Variants in INPP4B observed in about 807,000 individuals in gnomAD.
The protein encoded by INPP4B is inositol polyphosphate-4-phosphatase type II B.
INPP4B carries 55 observed loss-of-function variants against 122.5 expected under a neutral mutation model. The ratio of observed to expected loss-of-function variants is 0.45; its 90% confidence interval spans 0.36 to 0.56. The LOEUF (loss-of-function observed/expected upper bound fraction) is 0.56, where lower values mean the gene tolerates loss of function less well. INPP4B is among the 20% of genes least tolerant of loss of function. The pLI, the probability that INPP4B is intolerant of heterozygous loss-of-function variation, is 0.00. For synonymous variants in INPP4B, 403 were observed against 388.7 expected, an observed-to-expected ratio of 1.04 and a Z score of -0.43; for missense variants, 1,000 against 1,097.7, an observed-to-expected ratio of 0.91 and a Z score of 1.26.
At chr4:142,072,479 AT>A (rs1578805757) in intron 25 of INPP4B, among the ~76,000 whole-genome samples, 4 of 151,102 alleles carry the variant, frequency 2.6e-5, no homozygotes. Context: ...AAGGATAATA[AT>A]AAAAAAAAAA....
At chr4:142,649,509 A>C (rs1049759007) in intron 2 of INPP4B, among the ~76,000 whole-genome samples, 1 of 152,230 alleles carries the variant, frequency 6.6e-6, no homozygotes, top group Non-Finnish European at 1.5e-5. Context: ...TAGGATAAAC[A>C]GTGTAGAGAA....
Position 142,179,819 on chromosome 4 carries a change from T to A in INPP4B, c.1182-6010A>T, listed in dbSNP as rs563630339. On this transcript the variant is annotated intron_variant, in intron 15 of 25. Transcript: ENST00000262992. ...TGCTTTATTTCCTTTCCTGGCCTAT[T>A]CCCACTTATCCACGAGTTCACTTGC... 1.4e-4 allele frequency among the ~76,000 whole-genome samples: 22 copies of A among 152,318 alleles called. 2 individuals carry two copies. The South Asian group carries it at 4.6e-3, about 32-fold the overall frequency.
intron 2 of INPP4B, among the ~76,000 whole-genome samples, chr4:142,500,206 T>G (rs1194149530): frequency 6.6e-6 from 1 of 152,142 alleles, no homozygotes; most frequent in African/African-American, 2.4e-5. Context: ...AAACTGCTTT[T>G]GAGGATAAAC....
intron 1 of INPP4B, among the ~76,000 whole-genome samples, chr4:142,746,679 G>C (rs2150935165): frequency 6.6e-6 from 1 of 152,154 alleles, no homozygotes; most frequent in Non-Finnish European, 1.5e-5. Context: ...CAGATATATA[G>C]ACCAATGGAA....
intron 2 of INPP4B, among the ~76,000 whole-genome samples, chr4:142,501,603 C>T (rs1472634471): frequency 6.6e-6 from 1 of 151,348 alleles, no homozygotes; most frequent in Non-Finnish European, 1.5e-5. Flanking sequence ...ATCTAATATC[C>T]AAATAAGAGG....
intron 2 of INPP4B, among the ~76,000 whole-genome samples, chr4:142,521,905 C>A (rs1446471784): frequency 3.3e-5 from 5 of 151,956 alleles, no homozygotes; most frequent in African/African-American, 1.2e-4. Flanking sequence ...ATAGAGTCCA[C>A]AAAATACAAG....
chr4:142,396,803 A>G (rs1158899428), intron 7 of INPP4B, among the ~76,000 whole-genome samples: 6 of 152,260 alleles, frequency 3.9e-5, no homozygotes, highest in African/African-American at 1.4e-4. Context: ...CAGGAAATTA[A>G]TTAATCTAAA....
chr4:142,131,052 T>C (rs1013982998), intron 18 of INPP4B, among the ~76,000 whole-genome samples: 1 of 152,238 alleles, frequency 6.6e-6, no homozygotes, highest in African/African-American at 2.4e-5. Flanking sequence ...GCCTTGTATT[T>C]GTTGTAGCAC....
At chr4:142,842,629 A>T (rs990956094) in intron 1 of INPP4B, among the ~76,000 whole-genome samples, 1 of 136,078 alleles carries the variant, frequency 7.3e-6, no homozygotes, top group Non-Finnish European at 1.5e-5. Context: ...ATTTATATAT[A>T]ATAATCCTAA....
chr4:142,686,822 CTG>C (rs1025774247), intron 2 of INPP4B, among the ~76,000 whole-genome samples: 14 of 152,060 alleles, frequency 9.2e-5, no homozygotes, highest in Non-Finnish European at 1.2e-4. Flanking sequence ...AGAGATGATT[CTG>C]TGCCTCCTTT....
chr4:142,624,874 C>A (rs202235469), intron 2 of INPP4B, among the ~76,000 whole-genome samples: 11 of 152,172 alleles, frequency 7.2e-5, no homozygotes, highest in African/African-American at 2.4e-4. Context: ...GAATCAAAGA[C>A]AAAAACCACA....
intron 1 of INPP4B, among the ~76,000 whole-genome samples, chr4:142,812,957 T>C (rs779701221): frequency 1.3e-5 from 2 of 152,218 alleles, no homozygotes; most frequent in African/African-American, 4.8e-5. Context: ...ATGATCAACA[T>C]TGAATTTATA....
chr4:142,786,051 T>A (rs983073971), intron 1 of INPP4B, among the ~76,000 whole-genome samples: 1 of 152,238 alleles, frequency 6.6e-6, no homozygotes, highest in Non-Finnish European at 1.5e-5. Context: ...TATAAACATA[T>A]TTCTTTTTTC....
At chr4:142,493,954 T>G (rs1304647377) in intron 2 of INPP4B, among the ~76,000 whole-genome samples, 1 of 152,174 alleles carries the variant, frequency 6.6e-6, no homozygotes, top group Non-Finnish European at 1.5e-5. Flanking sequence ...GGGAGGGAAC[T>G]GGTGAGAGAT....
chr4:142,289,689 T>C (rs1394350154), intron 9 of INPP4B, among the ~76,000 whole-genome samples: 3 of 152,178 alleles, frequency 2.0e-5, no homozygotes, highest in Non-Finnish European at 4.4e-5. Context: ...TCTCCATCCA[T>C]GTCCCTGCAA....
At chr4:142,819,935 C>T (rs1173442399) in intron 1 of INPP4B, among the ~76,000 whole-genome samples, 1 of 152,048 alleles carries the variant, frequency 6.6e-6, no homozygotes, top group African/African-American at 2.4e-5. Context: ...CGAGCCGAGG[C>T]TAAAATTTAC....
rs114234115 is a variant in INPP4B at position 142,298,169 on chromosome 4, A to G, written c.503+7289T>C. On this transcript the variant is annotated intron_variant, in intron 9 of 25. Transcript: ENST00000262992. ...GAGTTGGACCAAAGAGCTGCTTTCA[A>G]ATGTGGTTATAGAAGAAAAGCATGA... Among the ~76,000 whole-genome samples the G allele has an allele frequency of 5.1e-3, 774 of 152,350 alleles. 10 individuals are homozygous for G. Among genetic ancestry groups the G allele is most frequent in the African/African-American group, 0.018 (739 of 41,586 alleles).
intron 5 of INPP4B, among the ~76,000 whole-genome samples, chr4:142,418,330 A>T (rs569546523): frequency 1.3e-5 from 2 of 152,274 alleles, no homozygotes; most frequent in South Asian, 4.1e-4. Flanking sequence ...TTTTATGAAT[A>T]AATGTGTGAG....
chr4:142,233,188 G>T (rs1266018738), intron 12 of INPP4B, among the ~76,000 whole-genome samples: 3 of 150,342 alleles, frequency 2.0e-5, no homozygotes, highest in Admixed American at 1.3e-4. Flanking sequence ...ATGCATGTGT[G>T]TGTGTCTGTA....
Sources: gnomAD v4.1 joint callset for allele counts (sites outside exome capture counted in the v4.1 genomes callset) on GRCh38, gnomAD v4.1.1 for gene constraint, MANE v1.5 for transcripts, NCBI Gene and HGNC (gene_info 2026-07-23, HGNC 2026-07-21) for gene names.